The following ACSM4 variants were observed in gnomAD, a reference collection of about 807,000 sequenced individuals.
ACSM4 encodes the protein acyl-CoA synthetase medium chain family member 4, also known as acyl-coenzyme A synthetase ACSM4, mitochondrial.
Under a neutral mutation model 73.0 loss-of-function variants are expected in ACSM4, and 66 were observed. The ratio of observed to expected loss-of-function variants is 0.90; its 90% CI spans 0.74 to 1.11. The LOEUF (loss-of-function observed/expected upper bound fraction) is 1.11. ACSM4 is among the 50% of genes least tolerant of loss of function. The probability of loss-of-function intolerance (pLI) is 0.00; values close to 1 mark genes in which losing one functional copy is unlikely to be tolerated. For missense variants in ACSM4, 645 were observed against 714.4 expected (o/e 0.90, Z 1.11); for synonymous variants, 222 against 254.0 (o/e 0.87, Z 1.20).
chr12:7,321,476 A>G (rs770960031), intron 6 of ACSM4, among the ~76,000 whole-genome samples: 47 of 152,358 alleles, frequency 3.1e-4, no homozygotes, highest in African/African-American at 1.1e-3. Context: ...GGAAAGTGCT[A>G]TGCGAGACAG....
Position 7,322,444 on chromosome 12 carries a change from G to C in ACSM4, c.1028G>C (p.Cys343Ser). ...KRYKFKSLRH[C>S]LTGGEPLNPE... ...TATAAATTCAAGAGTCTGCGGCACT[G>C]CTTGACCGGAGGGGAGCCACTCAAC... The change falls in exon 7 of 13, where the codon TGC (cysteine) becomes TCC (serine). Residue 343 changes from cysteine (C) to serine (S), a missense_variant. Cys to Ser is a moderately radical substitution (Grantham distance 112). Coordinates refer to ENST00000399422, the MANE Select transcript of ACSM4 (RefSeq NM_001080454.2). The C allele has an allele frequency of 6.2e-7, 1 of 1,613,816 alleles. No individual in the cohort carries two copies. The highest frequency in any genetic ancestry group is 8.5e-7 in the Non-Finnish European group (1 of 1,179,824).
chr12:7,318,300 T>G (rs924953581), intron 5 of ACSM4, 118 bp downstream of exon 5: 6 of 1,358,082 alleles, frequency 4.4e-6, no homozygotes, highest in Admixed American at 4.9e-5. Context: ...ATCATTTCTT[T>G]ATACAAAGCA....
At chr12:7,322,122 A>G (rs757258516) in intron 6 of ACSM4, among the ~76,000 whole-genome samples, 1 of 152,338 alleles carries the variant, frequency 6.6e-6, no homozygotes, top group Admixed American at 6.5e-5. Flanking sequence ...CATCAAAAGC[A>G]CTTAGTATCA....
At chr12:7,322,850 C>T (rs12823647) in intron 7 of ACSM4, among the ~76,000 whole-genome samples, 9,264 of 152,188 alleles carry the variant, frequency 0.061, 380 homozygotes, top group East Asian at 0.16. Context: ...CCTCTGAGAG[C>T]GTCCATGGGA....
chr12:7,323,658 A>G, intron 9 of ACSM4, 98 bp downstream of exon 9: 1 of 1,043,404 alleles, frequency 9.6e-7, no homozygotes, highest in African/African-American at 1.6e-5. Flanking sequence ...AAGCAACAAA[A>G]TCTTTCACAA....
chr12:7,328,203 A>G, intron 12 of ACSM4, 84 bp from the exon 13 acceptor site: 3 of 1,014,710 alleles, frequency 3.0e-6, no homozygotes, highest in Non-Finnish European at 4.4e-6. Context: ...ATTCAGTCTG[A>G]GTTCCATGCA....
At chr12:7,316,852 T>C (rs1946423648) in intron 3 of ACSM4, among the ~76,000 whole-genome samples, 2 of 152,190 alleles carry the variant, frequency 1.3e-5, no homozygotes, top group African/African-American at 4.8e-5. Flanking sequence ...ATACATAAAA[T>C]GCATGTCTTT....
At chr12:7,319,967 C>T (rs373331990) in intron 5 of ACSM4, among the ~76,000 whole-genome samples, 5 of 152,142 alleles carry the variant, frequency 3.3e-5, no homozygotes, top group Admixed American at 1.3e-4. Flanking sequence ...TTAGACTCTG[C>T]GGAGCAGATA....
intron 3 of ACSM4, among the ~76,000 whole-genome samples, chr12:7,313,822 T>C (rs755422220): frequency 2.0e-5 from 3 of 152,100 alleles, no homozygotes; most frequent in South Asian, 2.1e-4. Context: ...GGAGTCAGAG[T>C]GAAGCCTGGA....
chr12:7,320,845 C>G (rs781016297), intron 6 of ACSM4, 41 bp downstream of exon 6: 24 of 1,495,250 alleles, frequency 1.6e-5, no homozygotes, highest in Non-Finnish European at 2.2e-5. Flanking sequence ...CAAACAATAG[C>G]TACCATCCAG....
chr12:7,307,021 G>C (rs981720196), intron 2 of ACSM4, among the ~76,000 whole-genome samples: 1 of 152,168 alleles, frequency 6.6e-6, no homozygotes, highest in Non-Finnish European at 1.5e-5. Flanking sequence ...TTGGGAGAAC[G>C]AAGCAGGTGG....
intron 3 of ACSM4, among the ~76,000 whole-genome samples, chr12:7,316,727 TC>T (rs1376537041): frequency 1.3e-5 from 2 of 152,232 alleles, no homozygotes; most frequent in Non-Finnish European, 2.9e-5. Context: ...CAAACGATCT[TC>T]CTTTAAATAA....
rs1946456685 is a variant in ACSM4, at chr12:7,320,780, T to A, written c.977T>A (p.Met326Lys). 1 of 1,613,526 alleles carries A rather than the reference T, an allele frequency of 6.2e-7. No individual in the cohort carries two copies. The highest frequency in any genetic ancestry group is 8.5e-7 in the Non-Finnish European group (1 of 1,179,700). The change falls in exon 6 of 13, where the codon ATG (methionine) becomes AAG (lysine). Residue 326 changes from methionine to lysine, a missense_variant. Met to Lys is a moderately conservative substitution (Grantham distance 95, BLOSUM62 -1). Coordinates refer to ENST00000399422, the MANE Select transcript of ACSM4 (RefSeq NM_001080454.2). ...TGCAGTCCTCCCACTGTGTACCGGA[T>A]GCTCGTGCAAAAAGACCTTAAGAGG... ...TLCSPPTVYR[M>K]LVQKDLKRYK...
chr12:7,305,331 G>C (rs1179251115), intron 1 of ACSM4, among the ~76,000 whole-genome samples: 1 of 152,144 alleles, frequency 6.6e-6, no homozygotes, highest in Non-Finnish European at 1.5e-5. Flanking sequence ...GTCCAATAAT[G>C]GTGCTGATTA....
Position 7,304,258 on chromosome 12 carries a change from A to AC in ACSM4, c.-73dup. On this transcript the variant is annotated 5_prime_UTR_variant, in exon 1 of 13. An upstream open reading frame in the 5' UTR loses its in-frame stop. Transcript: ENST00000399422. ...CACCACAGAGCATCAAGAAACTGAT[A>AC]CTCTCTATCCATCTCTCCCTACAGG... is the stretch of plus-strand genomic sequence containing the variant. The AC allele has an allele frequency of 6.9e-7, 1 of 1,444,534 alleles. No individual in the cohort carries two copies. Among genetic ancestry groups the AC allele is most frequent in the South Asian group, 1.2e-5 (1 of 83,598 alleles). The allele number at this position is 1,444,534 out of a possible 1,614,324, so 89.5% of individuals were successfully genotyped here. A position where few individuals can be genotyped will look rare whatever the true frequency, so the allele number is the denominator to read the frequency against.
chr12:7,311,760 A>G (rs1009002465), intron 3 of ACSM4, among the ~76,000 whole-genome samples: 2 of 151,978 alleles, frequency 1.3e-5, no homozygotes, highest in African/African-American at 4.8e-5. Context: ...GTGTGATCTC[A>G]GCTCACTGCA....
At chr12:7,323,378 T>A (rs1946479073) in intron 8 of ACSM4, 64 bp downstream of exon 8, 1 of 1,593,522 alleles carries the variant, frequency 6.3e-7, no homozygotes. Flanking sequence ...TTTCTGCTAT[T>A]CATTGCACAA....
intron 9 of ACSM4, 141 bp from the exon 10 acceptor site, chr12:7,324,132 G>C (rs1429223724): frequency 2.0e-6 from 2 of 999,564 alleles, no homozygotes; most frequent in East Asian, 5.4e-5. Context: ...CTCCAGTCTA[G>C]GCAACAGAGA....
At chr12:7,316,539 C>G (rs549952873) in intron 3 of ACSM4, among the ~76,000 whole-genome samples, 3 of 152,110 alleles carry the variant, frequency 2.0e-5, no homozygotes, top group Non-Finnish European at 4.4e-5. Context: ...TCAAGATTTG[C>G]CCCAGCAGCT....
Sources: allele counts gnomAD v4.1 joint callset (sites outside exome capture counted in the v4.1 genomes callset), GRCh38; gene constraint gnomAD v4.1.1; transcripts MANE v1.5; gene names NCBI Gene and HGNC (gene_info 2026-07-23, HGNC 2026-07-21).